Variants in MYO3B observed in about 807,000 individuals in gnomAD.
MYO3B encodes myosin-IIIb.
MYO3B carries 156 observed loss-of-function variants against 174.6 expected under a neutral mutation model. That is an observed-to-expected ratio of 0.89 (90% CI 0.78 to 1.02). MYO3B has a LOEUF of 1.02. Among genes scored for constraint, MYO3B ranks in the 50% least tolerant of loss-of-function variants. The probability of loss-of-function intolerance (pLI) is 0.00; values close to 1 mark genes in which losing one functional copy is unlikely to be tolerated. For synonymous variants in MYO3B, 563 were observed against 569.1 expected, an observed-to-expected ratio of 0.99 and a Z score of 0.15; for missense variants, 1,632 against 1,639.4, an observed-to-expected ratio of 1.00 and a Z score of 0.08.
intron 25 of MYO3B, among the ~76,000 whole-genome samples, chr2:170,472,086 G>A (rs1339360103): frequency 1.3e-5 from 2 of 151,354 alleles, no homozygotes; most frequent in Admixed American, 6.6e-5. Flanking sequence ...ATCTTTTCTG[G>A]GCCTTTTAAA....
chr2:170,557,033 C>A (rs1312291238), intron 32 of MYO3B, among the ~76,000 whole-genome samples: 2 of 150,112 alleles, frequency 1.3e-5, no homozygotes, highest in African/African-American at 4.9e-5. Flanking sequence ...TTTAAGAGTT[C>A]TTTGTATATT....
intron 28 of MYO3B, among the ~76,000 whole-genome samples, chr2:170,505,119 C>T (rs556360542): frequency 6.6e-6 from 1 of 152,100 alleles, no homozygotes; most frequent in East Asian, 1.9e-4. Context: ...ACCCTGGGTA[C>T]ACAAGGATAC....
intron 7 of MYO3B, among the ~76,000 whole-genome samples, chr2:170,242,118 T>C (rs2093141183): frequency 6.6e-6 from 1 of 152,292 alleles, no homozygotes; most frequent in East Asian, 1.9e-4. Flanking sequence ...CTGGGGAGTA[T>C]TGGTTTCTCT....
intron 28 of MYO3B, 106 bp downstream of exon 28, chr2:170,501,971 A>G (rs1687301467): frequency 1.4e-6 from 1 of 724,524 alleles, no homozygotes; most frequent in Non-Finnish European, 2.3e-6. Flanking sequence ...CACTGGAATG[A>G]GTCAAGAGTT....
At chr2:170,547,969 T>G (rs1212058037) in intron 32 of MYO3B, among the ~76,000 whole-genome samples, 1 of 151,636 alleles carries the variant, frequency 6.6e-6, no homozygotes, top group Non-Finnish European at 1.5e-5. Context: ...TAGCCGGGCG[T>G]GGTGGCAGGC....
At position 170,383,192 on chromosome 2, in the gene MYO3B, A is replaced by G. The variant is rs1244939335; in HGVS notation, c.1185+3A>G. On this transcript the variant is annotated splice_donor_region_variant and intron_variant, in intron 11 of 34. Coordinates refer to ENST00000408978, the MANE Select transcript of MYO3B (RefSeq NM_138995.5). ...ATCTAAGCATATACTCTCCACAGGT[A>G]AGGGATGTTTTAAGAGCATACTGCT... 3 of 1,556,686 alleles carry G rather than the reference A, an allele frequency of 1.9e-6. No individual in the cohort carries two copies. The highest frequency in any genetic ancestry group is 2.7e-6 in the Non-Finnish European group (3 of 1,128,542).
chr2:170,309,146 A>G (rs1436209071), intron 7 of MYO3B, among the ~76,000 whole-genome samples: 3 of 152,200 alleles, frequency 2.0e-5, no homozygotes, highest in African/African-American at 7.2e-5. Flanking sequence ...AAAATGCCAC[A>G]AAGTATGTGA....
At chr2:170,202,612 G>C (rs1190065629) in intron 3 of MYO3B, among the ~76,000 whole-genome samples, 1 of 152,152 alleles carries the variant, frequency 6.6e-6, no homozygotes, top group Non-Finnish European at 1.5e-5. Context: ...ATGTGCAGCT[G>C]CTCCTCTGAT....
chr2:170,403,962 C>T (rs2094494841), intron 19 of MYO3B, among the ~76,000 whole-genome samples: 1 of 149,748 alleles, frequency 6.7e-6, no homozygotes, highest in Admixed American at 6.7e-5. Context: ...TTTTTTTCAG[C>T]TTCACTTCCT....
chr2:170,338,435 C>T (rs1237349403), intron 8 of MYO3B, among the ~76,000 whole-genome samples: 4 of 152,090 alleles, frequency 2.6e-5, no homozygotes, highest in Non-Finnish European at 5.9e-5. Context: ...TAGATTCCTT[C>T]TTGACCTCAG....
chr2:170,625,163 C>G (rs1432093761), intron 32 of MYO3B, among the ~76,000 whole-genome samples: 1 of 152,284 alleles, frequency 6.6e-6, no homozygotes, highest in East Asian at 1.9e-4. Flanking sequence ...CCTTGTACCT[C>G]TGGTAGAATT....
chr2:170,576,620 A>T (rs1692803373), intron 32 of MYO3B, among the ~76,000 whole-genome samples: 1 of 152,250 alleles, frequency 6.6e-6, no homozygotes, highest in Non-Finnish European at 1.5e-5. Context: ...CGAGAAAGAA[A>T]GAGAAAAGAA....
chr2:170,591,915 A>G (rs1433503469), intron 32 of MYO3B, among the ~76,000 whole-genome samples: 1 of 152,252 alleles, frequency 6.6e-6, no homozygotes, highest in Non-Finnish European at 1.5e-5. Context: ...CCATTTTGCA[A>G]TAAACATGCA....
intron 25 of MYO3B, among the ~76,000 whole-genome samples, chr2:170,489,073 T>C (rs1183640303): frequency 6.6e-6 from 1 of 152,182 alleles, no homozygotes; most frequent in Non-Finnish European, 1.5e-5. Flanking sequence ...AGATACCAGG[T>C]GCACACAGGA....
intron 14 of MYO3B, among the ~76,000 whole-genome samples, chr2:170,390,822 T>C (rs1322163504): frequency 6.6e-6 from 1 of 152,130 alleles, no homozygotes; most frequent in Admixed American, 6.5e-5. Context: ...GCAATGCAAA[T>C]TAATTATCAG....
chr2:170,637,178 T>G (rs979485367), intron 32 of MYO3B, among the ~76,000 whole-genome samples: 1 of 150,798 alleles, frequency 6.6e-6, no homozygotes, highest in African/African-American at 2.4e-5. Context: ...AGGGTTTTTT[T>G]TTTTTTTTTT....
chr2:170,423,583 A>AG, intron 22 of MYO3B, among the ~76,000 whole-genome samples: 1 of 110,780 alleles, frequency 9.0e-6, no homozygotes. Flanking sequence ...TTTCAGCAAA[A>AG]GCTTTTTTTT....
At chr2:170,506,724 C>T (rs1687643497) in intron 28 of MYO3B, among the ~76,000 whole-genome samples, 1 of 152,202 alleles carries the variant, frequency 6.6e-6, no homozygotes, top group Non-Finnish European at 1.5e-5. Context: ...TTATAAAACA[C>T]AGCCAAGTGT....
intron 3 of MYO3B, among the ~76,000 whole-genome samples, chr2:170,210,143 A>G (rs949629248): frequency 2.0e-5 from 3 of 152,236 alleles, no homozygotes; most frequent in Non-Finnish European, 4.4e-5. Flanking sequence ...AAATTTTGCT[A>G]AAGAGCAGAT....
Sources: gnomAD v4.1 joint callset for allele counts (sites outside exome capture counted in the v4.1 genomes callset) on GRCh38, gnomAD v4.1.1 for gene constraint, MANE v1.5 for transcripts, NCBI Gene and HGNC (gene_info 2026-07-23, HGNC 2026-07-21) for gene names.